SPEG: variants seen among roughly 807,000 people sequenced by gnomAD.
The protein encoded by SPEG is striated muscle enriched protein kinase.
A neutral mutation model predicts 300.4 loss-of-function variants in SPEG; 114 were observed. The ratio of observed to expected loss-of-function variants is 0.38; its 90% CI spans 0.33 to 0.44. SPEG has a LOEUF of 0.44. Among genes scored for constraint, SPEG ranks in the 20% least tolerant of loss-of-function variants. The pLI is 1.00. For synonymous variants in SPEG, 1,964 were observed against 2,018.9 expected (o/e 0.97, Z 0.73); for missense variants, 4,201 against 4,586.2 (o/e 0.92, Z 2.43).
chr2:219,469,880 A>G (rs186592291), intron 13 of SPEG, among the ~76,000 whole-genome samples: 15 of 152,158 alleles, frequency 9.9e-5, no homozygotes, highest in Non-Finnish European at 1.8e-4. Flanking sequence ...CATGGAAGGG[A>G]TGCTCTGTCC....
At chr2:219,482,950 C>T in intron 29 of SPEG, 98 bp downstream of exon 29, 4 of 1,413,126 alleles carry the variant, frequency 2.8e-6, no homozygotes, top group Non-Finnish European at 3.0e-6. Context: ...CTCCTGTCTT[C>T]TCGCTTTCAC....
In SPEG at chr2:219,459,600, C is replaced by G. The variant is rs1690473732; in HGVS notation, c.2441-2282C>G. Among the ~76,000 whole-genome samples the G allele has an allele frequency of 6.6e-6, 1 of 152,122 alleles. No individual in the cohort carries two copies. Among genetic ancestry groups the G allele is most frequent in the African/African-American group, 2.4e-5 (1 of 41,412 alleles). On this transcript the variant is annotated intron_variant, in intron 6 of 40. Transcript: ENST00000312358. The surrounding 1 kb of genome is among the most constrained non-coding windows in gnomAD (Gnocchi z 4.9). ...GGCACCACCAGGGGTCTCTGAGGCT[C>G]CCTGCAAACCTTGACCATCTGGCCT... is the stretch of plus-strand genomic sequence containing the variant.
chr2:219,448,557 C>T lies in SPEG; in HGVS notation c.1399C>T (p.Arg467Cys). ...LRAPGSVAER[R>C]RLFQQKAASL... ...GGCGCCAGGCAGCGTGGCCGAGCGG[C>T]GCCGCCTGTTCCAGCAGAAAGCGGC... Residue 467 changes from arginine to cysteine, a missense_variant, in exon 4 of 41, where the codon CGC becomes TGC. Around this residue, in one of 4 missense-constraint regions of SPEG, gnomAD observed 1,258 missense variants for 1,293.9 expected, o/e 0.97. Transcript: ENST00000312358. The T allele has an allele frequency of 4.8e-6, 7 of 1,449,002 alleles. No homozygotes were observed. The highest frequency in any genetic ancestry group is 6.3e-6 in the Non-Finnish European group (7 of 1,109,934). The allele number at this position is 1,449,002 out of a possible 1,614,324, so 89.8% of individuals were successfully genotyped here.
chr2:219,491,758 G>C (rs1693993439), intron 38 of SPEG, 36 bp from the exon 39 acceptor site: 2 of 1,593,312 alleles, frequency 1.3e-6, no homozygotes, highest in Non-Finnish European at 1.7e-6. Flanking sequence ...CCTGCCACCA[G>C]GAAGCTGGGT....
chr2:219,448,835 C>T lies in SPEG; in HGVS notation c.1677C>T (p.Ser559=). 1.4e-6 allele frequency: 2 copies of T among 1,401,180 alleles called. No homozygotes were observed. The highest frequency in any genetic ancestry group is 9.2e-7 in the Non-Finnish European group (1 of 1,085,644). 86.8% of individuals were successfully genotyped at this position (1,401,180 alleles called of 1,614,324 possible). Residue 559 remains serine, a synonymous_variant, in exon 4 of 41, where the codon AGC becomes AGT. Coordinates refer to ENST00000312358, the MANE Select transcript of SPEG (RefSeq NM_005876.5). The part of the protein sequence containing the change: ...SPAAAQPPSP[S]SAEKPGDEPG... ...CCGCCGCCCAGCCGCCCTCTCCGAG[C>T]AGCGCGGAGAAGCCGGGGGACGAGC... is the stretch of plus-strand genomic sequence containing the variant.
Position 219,445,090 on chromosome 2 carries a change from C to A in SPEG, c.744C>A (p.Ser248Arg). ...LVGASWGSED[S>R]LSVASDLYGS... ...GCGCAAGCTGGGGGTCAGAGGATAG[C>A]CTTTCCGTGGCCAGTGACCTGTACG... Residue 248 changes from serine (S) to arginine (R), a missense_variant, in exon 3 of 41, where the codon AGC (serine) becomes AGA (arginine). Ser to Arg is a moderately radical substitution (Grantham distance 110). Transcript: ENST00000312358. The surrounding 1 kb of genome is among the most constrained non-coding windows in gnomAD (Gnocchi z 6.1). 1 of 1,603,142 alleles carries A rather than the reference C, an allele frequency of 6.2e-7. No individual in the cohort carries two copies. The highest frequency in any genetic ancestry group is 2.3e-5 in the East Asian group (1 of 44,168).
In SPEG at chr2:219,488,316, G is replaced by A; in HGVS notation, c.7858+6G>A. 1 of 1,602,286 alleles carries A rather than the reference G, an allele frequency of 6.2e-7. No homozygotes were observed. The highest frequency in any genetic ancestry group is 8.5e-7 in the Non-Finnish European group (1 of 1,172,560). On this transcript the variant is annotated splice_donor_region_variant and intron_variant, in intron 32 of 40. Transcript: ENST00000312358. ...GCACATCTCCTGGATGAAAGGTAAG[G>A]AGACTCTGTCTCCCACAGAGAGGGA...
Position 219,490,464 on chromosome 2 carries a change from G to C in SPEG, c.8977G>C (p.Val2993Leu). The stretch of plus-strand genomic sequence containing the variant: ...GGAGAATGCCACGGGGCGAACGTTC[G>C]TGGCCAAGATCGTGCCCTATGCTGC... The part of the protein sequence containing the change: ...CRENATGRTF[V>L]AKIVPYAAEG... The change falls in exon 37 of 41, where the codon GTG (valine) becomes CTG (leucine). Residue 2993 changes from valine to leucine, a missense_variant. By Grantham distance (32) the Val-to-Leu change is conservative. This residue lies in a region of SPEG where 318 missense variants were observed against 429.5 expected (regional missense o/e 0.74). Transcript: ENST00000312358. The C allele has an allele frequency of 6.2e-7, 1 of 1,613,296 alleles. No individual in the cohort carries two copies. The highest frequency in any genetic ancestry group is 8.5e-7 in the Non-Finnish European group (1 of 1,179,996).
intron 15 of SPEG, 58 bp downstream of exon 15, chr2:219,472,389 A>G (rs1691963898): frequency 6.8e-7 from 1 of 1,461,928 alleles, no homozygotes; most frequent in South Asian, 1.1e-5. Flanking sequence ...AGGCAGGCTC[A>G]GGCAGGACAC....
intron 31 of SPEG, among the ~76,000 whole-genome samples, chr2:219,486,321 G>A (rs966306611): frequency 1.2e-4 from 19 of 152,368 alleles, no homozygotes; most frequent in Non-Finnish European, 1.9e-4. Context: ...AAGGGAGCGA[G>A]TCCATGAAGC....
At position 219,484,463 on chromosome 2, in the gene SPEG, G is replaced by C. The variant is rs778918190; in HGVS notation, c.7000G>C (p.Glu2334Gln). 1 of 1,611,106 alleles carries C rather than the reference G, an allele frequency of 6.2e-7. No individual in the cohort carries two copies. Residue 2334 changes from glutamate (E) to glutamine (Q), a missense_variant, in exon 30 of 41, where the codon GAG becomes CAG. Physicochemically the swap from Glu to Gln is conservative, Grantham distance 29 (BLOSUM62 2). This residue lies in a region of SPEG where 1,578 missense variants were observed against 1,506.0 expected (regional missense o/e 1.05). Transcript: ENST00000312358. ...IENLESEAVF[E>Q]AKFKRSRESP... ...AAACTTGGAGTCGGAGGCCGTGTTC[G>C]AGGCCAAGTTCAAGCGCAGCCGCGA...
intron 9 of SPEG, chr2:219,466,893 C>A: frequency 8.3e-7 from 1 of 1,208,490 alleles, no homozygotes; most frequent in Non-Finnish European, 1.0e-6. Context: ...TTTCCCCCGC[C>A]GATGTCTCTG....
Position 219,448,942 on chromosome 2 carries a change from A to C in SPEG, c.1784A>C (p.Gln595Pro). 1 of 1,499,754 alleles carries C rather than the reference A, an allele frequency of 6.7e-7. No homozygotes were observed. Among genetic ancestry groups the C allele is most frequent in the African/African-American group, 1.5e-5 (1 of 68,446 alleles). The allele number at this position is 1,499,754 out of a possible 1,614,324, so 92.9% of individuals were successfully genotyped here. ...GPQQEVRRRD[Q>P]FPLTRSRAIQ... is the part of the protein sequence containing the mutation. Reference sequence around the variant, plus strand: ...CAGCAGGAGGTTAGGCGTCGGGACCAATTCCCGCTGACCCGGAGCAGAGCC... The same window carrying C: ...CAGCAGGAGGTTAGGCGTCGGGACCCATTCCCGCTGACCCGGAGCAGAGCC... Residue 595 changes from glutamine (Q) to proline (P), a missense_variant, in exon 4 of 41, where the codon CAA (glutamine) becomes CCA (proline). Around this residue, in one of 4 missense-constraint regions of SPEG, gnomAD observed 1,258 missense variants for 1,293.9 expected, o/e 0.97. Transcript: ENST00000312358.
rs777238233 is a variant in SPEG at position 219,471,872 on chromosome 2, G to C, written c.3720G>C (p.Arg1240Ser). The change falls in exon 14 of 41, where the codon AGG becomes AGC. Residue 1240 changes from arginine to serine, a missense_variant. Around this residue, in one of 4 missense-constraint regions of SPEG, gnomAD observed 1,047 missense variants for 1,356.8 expected, o/e 0.77. Transcript: ENST00000312358. ...SSDDRRMTQYRDVHRLVFPAV... is the reference protein window; with the variant it reads ...SSDDRRMTQYSDVHRLVFPAV... ...TCACTGTCCCTCCCCTCCCAGACAG[G>C]GATGTCCATCGCTTGGTGTTCCCTG... is the stretch of plus-strand genomic sequence containing the variant. The C allele has an allele frequency of 2.8e-5, 45 of 1,613,906 alleles. No individual in the cohort carries two copies. The highest frequency in any genetic ancestry group is 3.8e-5 in the Non-Finnish European group (45 of 1,180,012).
In SPEG at chr2:219,490,968, A is replaced by G. The variant is rs758889420; in HGVS notation, c.9385+12A>G. ...GCTGGAGTTCATGGGTGAGGGGACC[A>G]GCTGCCAGCCAGGGTGGGGACAGGG... On this transcript the variant is annotated intron_variant, in intron 38 of 40. Transcript: ENST00000312358. The G allele has an allele frequency of 6.2e-7, 1 of 1,604,302 alleles. No individual in the cohort carries two copies. The highest frequency in any genetic ancestry group is 1.1e-5 in the South Asian group (1 of 90,548).
chr2:219,488,379 G>A, intron 32 of SPEG, 69 bp downstream of exon 32: 1 of 1,509,888 alleles, frequency 6.6e-7, no homozygotes, highest in Non-Finnish European at 9.0e-7. Flanking sequence ...GATGGGAGGG[G>A]CTAGGCCGGA....
Position 219,483,762 on chromosome 2 carries a change from G to C in SPEG, c.6299G>C (p.Arg2100Pro). The change falls in exon 30 of 41, where the codon CGG becomes CCG. Residue 2100 changes from arginine (R) to proline (P), a missense_variant. Arg to Pro is a moderately radical substitution (Grantham distance 103). This residue lies in a region of SPEG where 1,578 missense variants were observed against 1,506.0 expected (regional missense o/e 1.05). Transcript: ENST00000312358. ...PLLESLGGRA[R>P]DPRMARAASS... is the part of the protein sequence containing the mutation. The stretch of plus-strand genomic sequence containing the variant: ...CTGGAGAGCCTGGGGGGCCGTGCTC[G>C]GGACCCCCGGATGGCACGAGCTGCC... 2 of 1,547,534 alleles carry C rather than the reference G, an allele frequency of 1.3e-6. No individual in the cohort carries two copies. The highest frequency in any genetic ancestry group is 2.4e-5 in the East Asian group (1 of 41,764).
In SPEG at chr2:219,493,174, A is replaced by G; in HGVS notation, c.*388A>G. ...GGTGGGCATGGCTGGAGAGGAGGAA[A>G]AGGAAGGAGCCCCAGGTGTCAGGGC... On this transcript the variant is annotated 3_prime_UTR_variant, in exon 41 of 41. Transcript: ENST00000312358. 1 of 413,716 alleles carries G rather than the reference A, an allele frequency of 2.4e-6. No homozygotes were observed. Among genetic ancestry groups the G allele is most frequent in the South Asian group, 2.0e-5 (1 of 50,602 alleles). 25.6% of individuals were successfully genotyped at this position (413,716 alleles called of 1,614,324 possible).
At position 219,471,897 on chromosome 2, in the gene SPEG, G is replaced by A. The variant is rs1254718573; in HGVS notation, c.3745G>A (p.Ala1249Thr). ...YRDVHRLVFP[A>T]VGPQHAGVYK... ...GGATGTCCATCGCTTGGTGTTCCCT[G>A]CCGTGGGGCCTCAGCACGCCGGTGT... The change falls in exon 14 of 41, where the codon GCC (alanine) becomes ACC (threonine). Residue 1249 changes from alanine to threonine, a missense_variant. Transcript: ENST00000312358. 9.3e-6 allele frequency: 15 copies of A among 1,613,928 alleles called. No individual in the cohort carries two copies. In the Admixed American group the frequency reaches 1.5e-4, roughly 16 times the overall value.
Sources: allele counts gnomAD v4.1 joint callset (sites outside exome capture counted in the v4.1 genomes callset), GRCh38; gene constraint gnomAD v4.1.1; regional missense constraint gnomAD v4.1.1; non-coding constraint Gnocchi (gnomAD v3.1); transcripts MANE v1.5; gene names NCBI Gene and HGNC (gene_info 2026-07-23, HGNC 2026-07-21).